MED14: variants seen among roughly 807,000 people sequenced by gnomAD.
MED14 encodes mediator complex subunit 14, also known as mediator of RNA polymerase II transcription subunit 14.
Under a neutral mutation model 109.0 loss-of-function variants are expected in MED14, and 8 were observed. The observed-to-expected ratio is 0.07, with a 90% CI of 0.04 to 0.13. The LOEUF (loss-of-function observed/expected upper bound fraction) is 0.13. MED14 is among the 10% of genes least tolerant of loss of function. MED14 has a pLI of 1.00. For synonymous variants in MED14, 399 were observed against 408.7 expected, an observed-to-expected ratio of 0.98 and a Z score of 0.29; for missense variants, 711 against 1,142.4, an observed-to-expected ratio of 0.62 and a Z score of 5.44.
rs1930161528 is a variant in MED14 at position 40,682,661 on chromosome X, G to A, written c.2307C>T (p.Asp769=). ...GRKVVEMFLN[D]WNSIARLYEC... is the part of the protein sequence containing the mutation. ...CATATAATCGTGCAATGCTATTCCA[G>A]TCATTAAGAAACATTTCAACCACCT... Residue 769 remains aspartate (D), a synonymous_variant, in exon 18 of 31, where the codon GAC becomes GAT. Transcript: ENST00000324817. The A allele has an allele frequency of 8.3e-7, 1 of 1,198,123 alleles. No homozygotes were observed. Among genetic ancestry groups the A allele is most frequent in the Non-Finnish European group, 1.1e-6 (1 of 888,234 alleles).
intron 1 of MED14, among the ~76,000 whole-genome samples, chrX:40,730,357 T>A (rs1336565080): frequency 9.0e-6 from 1 of 111,650 alleles, no homozygotes; most frequent in Non-Finnish European, 1.9e-5. Flanking sequence ...AAGCAGAAAT[T>A]AAGGCCCTGT....
rs752426435 is a variant in MED14 at position 40,682,989 on chromosome X, G to C, written c.2065C>G (p.Pro689Ala). 56 of 1,199,728 alleles carry C rather than the reference G, an allele frequency of 4.7e-5. No homozygotes were observed. Among genetic ancestry groups the C allele is most frequent in the Non-Finnish European group, 6.0e-5 (53 of 890,107 alleles). Residue 689 changes from proline (P) to alanine (A), a missense_variant, in exon 17 of 31, where the codon CCC becomes GCC. By Grantham distance (27) the Pro-to-Ala change is conservative. This residue lies in a region of MED14 where 388 missense variants were observed against 517.3 expected (regional missense o/e 0.75). Transcript: ENST00000324817. ...GTTTCCTCAGTTATACCCTTACAGG[G>C]AGGAATTCTGGTGATAAAAGACAGC... ...SHAIRLLKIP[P>A]CKGITEETQK...
intron 28 of MED14, among the ~76,000 whole-genome samples, chrX:40,656,781 G>T (rs189314783): frequency 1.6e-3 from 182 of 112,840 alleles, no homozygotes; most frequent in Non-Finnish European, 2.8e-3. Context: ...GATTTGTTCA[G>T]TGAATAAAGC....
At chrX:40,711,725 C>T (rs1418135077) in intron 7 of MED14, among the ~76,000 whole-genome samples, 2 of 108,968 alleles carry the variant, frequency 1.8e-5, no homozygotes, top group South Asian at 4.0e-4. Flanking sequence ...TGGGTTCAAG[C>T]GATTCTCCTG....
Position 40,723,098 on chromosome X carries a change from T to C in MED14, c.348+3648A>G, listed in dbSNP as rs942395830. Among the ~76,000 whole-genome samples, 4 of 112,281 alleles carry C rather than the reference T, an allele frequency of 3.6e-5. No individual in the cohort carries two copies. The Admixed American group carries it at 3.8e-4, about 11-fold the overall frequency. Reference sequence around the variant, plus strand: ...ATATTATAACACTGTAATTGTACTATGTAAACTACTCCTATCTTCAGTAGA... The same window carrying C: ...ATATTATAACACTGTAATTGTACTACGTAAACTACTCCTATCTTCAGTAGA... On this transcript the variant is annotated intron_variant, in intron 3 of 30. Coordinates refer to ENST00000324817, the MANE Select transcript of MED14 (RefSeq NM_004229.4).
chrX:40,734,866 C>G (rs763305230), intron 1 of MED14, among the ~76,000 whole-genome samples: 2 of 112,578 alleles, frequency 1.8e-5, no homozygotes, highest in South Asian at 3.6e-4. Flanking sequence ...AATTTCCCAT[C>G]TATAGAGTTT....
chrX:40,724,252 C>A (rs1931827450), intron 3 of MED14, among the ~76,000 whole-genome samples: 1 of 112,121 alleles, frequency 8.9e-6, no homozygotes, highest in Admixed American at 9.4e-5. Context: ...ACTTCAACAC[C>A]CCGCTTTCAG....
rs1431741546 is a variant in MED14, at chrX:40,650,407, T to C, written c.*1399A>G. 4.0e-6 allele frequency: 3 copies of C among 751,421 alleles called. No homozygotes were observed. Among genetic ancestry groups the C allele is most frequent in the Non-Finnish European group, 4.7e-6 (3 of 637,647 alleles). 61.9% of individuals were successfully genotyped at this position (751,421 alleles called of 1,213,427 possible). A position where few individuals can be genotyped will look rare whatever the true frequency, so the allele number is the denominator to read the frequency against. The stretch of plus-strand genomic sequence containing the variant: ...TTTGATAGTTGATAGTTATAGAAGC[T>C]CAATTAAATCATCTTGAAGTGGAAT... On this transcript the variant is annotated 3_prime_UTR_variant, in exon 31 of 31. Transcript: ENST00000324817.
chrX:40,720,724 C>T (rs1443894073), intron 3 of MED14, among the ~76,000 whole-genome samples: 1 of 109,408 alleles, frequency 9.1e-6, no homozygotes, highest in Non-Finnish European at 1.9e-5. Flanking sequence ...CAGCTTTTGA[C>T]AACAAAAGAG....
Position 40,701,192 on chromosome X carries a change from C to T in MED14, c.1463G>A (p.Arg488Gln), listed in dbSNP as rs754791620. 7 of 1,204,969 alleles carry T rather than the reference C, an allele frequency of 5.8e-6. No individual in the cohort carries two copies. Among genetic ancestry groups the T allele is most frequent in the Admixed American group, 4.4e-5 (2 of 45,597 alleles). The change falls in exon 12 of 31, where the codon CGA becomes CAA. Residue 488 changes from arginine (R) to glutamine (Q), a missense_variant. This residue lies in a region of MED14 where 388 missense variants were observed against 517.3 expected (regional missense o/e 0.75). Transcript: ENST00000324817. ...AAGTTGCTGAATCCAGGGTATGATT[C>T]GTTTCATATCATCATTCACAGACTT... ...MEKSVNDDMK[R>Q]IIPWIQQLKF...
At chrX:40,659,124 T>A in intron 28 of MED14, 103 bp downstream of exon 28, 2 of 410,652 alleles carry the variant, frequency 4.9e-6, no homozygotes, top group Non-Finnish European at 3.9e-6. Flanking sequence ...AAGAGAAAAA[T>A]AGAAGAAACT....
chrX:40,683,611 A>T (rs1485375464), intron 16 of MED14, among the ~76,000 whole-genome samples: 1 of 111,612 alleles, frequency 9.0e-6, no homozygotes, highest in African/African-American at 3.3e-5. Flanking sequence ...CGATCCTCCC[A>T]CCTCAGCCTC....
At position 40,651,026 on chromosome X, in the gene MED14, A is replaced by G; in HGVS notation, c.*780T>C. ...ACATACTGTCCCTTCTCAAAGACTA[A>G]GTTCCTTATTTTTCACCCAAATCCT... On this transcript the variant is annotated 3_prime_UTR_variant, in exon 31 of 31. Coordinates refer to ENST00000324817, the MANE Select transcript of MED14 (RefSeq NM_004229.4). 1 of 753,853 alleles carries G rather than the reference A, an allele frequency of 1.3e-6. No homozygotes were observed. Among genetic ancestry groups the G allele is most frequent in the South Asian group, 6.7e-5 (1 of 14,846 alleles). 62.1% of individuals were successfully genotyped at this position (753,853 alleles called of 1,213,427 possible).
chrX:40,675,791 G>A (rs1241519480), intron 21 of MED14, among the ~76,000 whole-genome samples: 1 of 111,868 alleles, frequency 8.9e-6, no homozygotes, highest in Non-Finnish European at 1.9e-5. Context: ...AGTAAGAAAC[G>A]ATCCAATTTT....
chrX:40,685,822 G>GTT (rs1006118048), intron 16 of MED14, among the ~76,000 whole-genome samples: 3 of 111,970 alleles, frequency 2.7e-5, no homozygotes, highest in Non-Finnish European at 5.6e-5. Context: ...ATTTTCAAGG[G>GTT]GATAAAGTAG....
intron 25 of MED14, among the ~76,000 whole-genome samples, chrX:40,663,844 C>T (rs1039412360): frequency 3.6e-5 from 4 of 112,020 alleles, no homozygotes; most frequent in African/African-American, 6.5e-5. Flanking sequence ...TGTCCTAGCT[C>T]CTGGCATACA....
Position 40,651,311 on chromosome X carries a change from C to T in MED14, c.*495G>A, listed in dbSNP as rs1459441348. The T allele has an allele frequency of 2.7e-6, 2 of 751,754 alleles. No homozygotes were observed. The highest frequency in any genetic ancestry group is 2.3e-5 in the African/African-American group (1 of 43,074). The allele number at this position is 751,754 out of a possible 1,213,427, so 62.0% of individuals were successfully genotyped here. ...ACCTAGTTTTATTAAATATTGCTTC[C>T]TTGGGGTGTGTTTATAACAACTCCC... On this transcript the variant is annotated 3_prime_UTR_variant, in exon 31 of 31. Coordinates refer to ENST00000324817, the MANE Select transcript of MED14 (RefSeq NM_004229.4).
intron 3 of MED14, among the ~76,000 whole-genome samples, chrX:40,719,446 C>G (rs1931642594): frequency 9.0e-6 from 1 of 111,415 alleles, no homozygotes. Context: ...TGTAGTATAT[C>G]CATGCAATTC....
intron 10 of MED14, among the ~76,000 whole-genome samples, chrX:40,705,674 T>C (rs1359819401): frequency 8.9e-6 from 1 of 111,968 alleles, no homozygotes; most frequent in Non-Finnish European, 1.9e-5. Flanking sequence ...TTTATTTCTA[T>C]CATTTATTGA....
Sources: gnomAD v4.1 joint callset for allele counts (sites outside exome capture counted in the v4.1 genomes callset) on GRCh38, gnomAD v4.1.1 for gene constraint, gnomAD v4.1.1 regional missense constraint, MANE v1.5 for transcripts, NCBI Gene and HGNC (gene_info 2026-07-23, HGNC 2026-07-21) for gene names.